Variants in GPHN observed in about 807,000 individuals in gnomAD.
GPHN encodes gephyrin.
In GPHN, 17 loss-of-function variants were observed where a neutral mutation model predicts 95.5. That is an observed-to-expected ratio of 0.18 (90% confidence interval 0.12 to 0.27). The LOEUF (loss-of-function observed/expected upper bound fraction) is 0.27, where lower values mean the gene tolerates loss of function less well. GPHN is among the 10% of genes least tolerant of loss of function. The pLI is 1.00. For missense variants in GPHN, 660 were observed against 978.1 expected (o/e 0.67, Z 4.34); for synonymous variants, 320 against 322.5 (o/e 0.99, Z 0.08).
chr14:66,673,223 G>T (rs1314230531), intron 1 of GPHN, among the ~76,000 whole-genome samples: 1 of 152,110 alleles, frequency 6.6e-6, no homozygotes, highest in Admixed American at 6.5e-5. Context: ...CTCCCTAGTA[G>T]CTGGGACTAC....
chr14:67,600,272 C>G, the GPHN span: 13 of 1,314,594 alleles, frequency 9.9e-6, no homozygotes, highest in Middle Eastern at 1.9e-4. Context: ...CCGTCTCGCC[C>G]GCTCCAGACC....
chr14:67,561,235 G>T, the GPHN span, among the ~76,000 whole-genome samples: 1 of 152,196 alleles, frequency 6.6e-6, no homozygotes. Context: ...CTCAATAAAA[G>T]TGTGTTGGAC....
At chr14:67,598,250 G>A in the GPHN span, among the ~76,000 whole-genome samples, 2 of 152,178 alleles carry the variant, frequency 1.3e-5, no homozygotes, top group Non-Finnish European at 2.9e-5. Flanking sequence ...GAGTTTAAAG[G>A]AAGATGCGGT....
chr14:66,509,757 T>A (rs550339579), intron 1 of GPHN, among the ~76,000 whole-genome samples: 29 of 152,312 alleles, frequency 1.9e-4, no homozygotes, highest in Admixed American at 1.1e-3. Flanking sequence ...CTTCTTTTTT[T>A]AATTTTTTCT....
the GPHN span, among the ~76,000 whole-genome samples, chr14:67,293,968 G>C: frequency 6.6e-6 from 1 of 152,042 alleles, no homozygotes; most frequent in South Asian, 2.1e-4. Context: ...GTGGAAAGAA[G>C]GGAGAAAAGA....
chr14:67,350,479 G>A, the GPHN span: 2 of 692,550 alleles, frequency 2.9e-6, no homozygotes, highest in Admixed American at 6.7e-5. Context: ...GGGGTTAAAA[G>A]AATTCTTTCT....
At chr14:67,056,275 A>AT (rs2075561028) in intron 10 of GPHN, among the ~76,000 whole-genome samples, 1 of 151,988 alleles carries the variant, frequency 6.6e-6, no homozygotes. Flanking sequence ...TGATTGGTGC[A>AT]TTTACAATCC....
chr14:66,793,605 G>A (rs976294000), intron 3 of GPHN, among the ~76,000 whole-genome samples: 2 of 152,074 alleles, frequency 1.3e-5, no homozygotes, highest in African/African-American at 2.4e-5. Context: ...ATATCTGTGT[G>A]TGATTGTGTA....
the GPHN span, among the ~76,000 whole-genome samples, chr14:67,209,819 GAAAAAA>G: frequency 1.3e-5 from 1 of 76,926 alleles, no homozygotes; most frequent in Non-Finnish European, 2.5e-5. Flanking sequence ...CTCCATCTCG[GAAAAAA>G]AAAAAAAAAA....
the GPHN span, chr14:67,572,142 C>G: frequency 6.2e-7 from 1 of 1,606,628 alleles, no homozygotes; most frequent in Non-Finnish European, 8.5e-7. Flanking sequence ...AAGGCGTCTC[C>G]ATGTCCTCAC....
the GPHN span, among the ~76,000 whole-genome samples, chr14:67,552,112 C>T: frequency 6.6e-5 from 10 of 152,190 alleles, no homozygotes; most frequent in Non-Finnish European, 1.3e-4. Context: ...CATCAGGTTG[C>T]TGCAGCCAGT....
At chr14:66,569,335 A>G (rs1595012033) in intron 1 of GPHN, among the ~76,000 whole-genome samples, 3 of 152,164 alleles carry the variant, frequency 2.0e-5, no homozygotes, top group Admixed American at 2.0e-4. Context: ...GTTAACAGAT[A>G]CCCTTCCTCT....
chr14:67,567,872 GT>G, the GPHN span, among the ~76,000 whole-genome samples: 2 of 152,202 alleles, frequency 1.3e-5, no homozygotes, highest in Non-Finnish European at 2.9e-5. Flanking sequence ...CGTCACCTTT[GT>G]TTTCCTTTAG....
chr14:67,055,565 G>T (rs1157829411), intron 10 of GPHN, among the ~76,000 whole-genome samples: 2 of 152,160 alleles, frequency 1.3e-5, no homozygotes, highest in African/African-American at 4.8e-5. Context: ...TATACCCAAA[G>T]GAATATAAAT....
chr14:66,952,578 A>G (rs905106579), intron 8 of GPHN, among the ~76,000 whole-genome samples: 5 of 152,208 alleles, frequency 3.3e-5, no homozygotes, highest in Non-Finnish European at 7.3e-5. Flanking sequence ...TGATAATTCT[A>G]TGTTAACTTT....
At chr14:67,032,623 T>C (rs749084216) in intron 10 of GPHN, among the ~76,000 whole-genome samples, 2 of 152,072 alleles carry the variant, frequency 1.3e-5, no homozygotes, top group Admixed American at 6.6e-5. Context: ...ACAGACACCA[T>C]TGAGAGCAAG....
intron 17 of GPHN, among the ~76,000 whole-genome samples, chr14:67,141,062 A>G (rs1264091868): frequency 1.3e-5 from 2 of 152,142 alleles, no homozygotes; most frequent in African/African-American, 2.4e-5. Flanking sequence ...TGCCTATGCA[A>G]TGACTGACTG....
At chr14:66,874,165 TG>T (rs2153529649) in intron 4 of GPHN, among the ~76,000 whole-genome samples, 1 of 152,332 alleles carries the variant, frequency 6.6e-6, no homozygotes, top group East Asian at 1.9e-4. Flanking sequence ...CAGAGAGGCC[TG>T]ACTGTTAGAA....
the GPHN span, among the ~76,000 whole-genome samples, chr14:67,612,988 A>G: frequency 6.6e-6 from 1 of 152,124 alleles, no homozygotes; most frequent in African/African-American, 2.4e-5. Context: ...CTATATTTCT[A>G]GGGCTGCCCT....
Sources: gnomAD v4.1 joint callset for allele counts (sites outside exome capture counted in the v4.1 genomes callset) on GRCh38, gnomAD v4.1.1 for gene constraint, MANE v1.5 for transcripts, NCBI Gene and HGNC (gene_info 2026-07-23, HGNC 2026-07-21) for gene names.